Variants in SLC17A4 observed in about 807,000 individuals in gnomAD.
SLC17A4 encodes the protein solute carrier family 17 member 4.
SLC17A4 carries 33 observed loss-of-function variants against 52.5 expected under a neutral mutation model. That is an observed-to-expected ratio of 0.63 (90% confidence interval 0.48 to 0.84). SLC17A4 has a LOEUF of 0.84. Ranked by LOEUF, SLC17A4 falls within the 40% of genes least tolerant of loss-of-function variation. SLC17A4 has a pLI of 0.00. For synonymous variants in SLC17A4, 225 were observed against 216.2 expected, an observed-to-expected ratio of 1.04 and a Z score of -0.36; for missense variants, 585 against 597.1, an observed-to-expected ratio of 0.98 and a Z score of 0.21.
chr6:25,776,180 C>A (rs1762899622), intron 8 of SLC17A4, among the ~76,000 whole-genome samples: 1 of 152,024 alleles, frequency 6.6e-6, no homozygotes, highest in South Asian at 2.1e-4. Flanking sequence ...CCAATTTGAT[C>A]CATGAAAAAT....
chr6:25,756,348 T>A (rs1040917394), intron 1 of SLC17A4, among the ~76,000 whole-genome samples: 7 of 152,158 alleles, frequency 4.6e-5, no homozygotes, highest in African/African-American at 1.7e-4. Context: ...AGTGTTCCCG[T>A]TTCAGCTCAA....
chr6:25,773,253 T>C, intron 6 of SLC17A4, 22 bp from the exon 7 acceptor site: 1 of 1,559,940 alleles, frequency 6.4e-7, no homozygotes, highest in Non-Finnish European at 8.8e-7. Flanking sequence ...CATCCAGTGC[T>C]AACTGGATCC....
At chr6:25,771,402 C>T (rs1299436936) in intron 6 of SLC17A4, among the ~76,000 whole-genome samples, 5 of 151,808 alleles carry the variant, frequency 3.3e-5, no homozygotes, top group South Asian at 2.1e-4. Flanking sequence ...GGTTAAACCC[C>T]GTCTCTACTA....
chr6:25,776,860 C>T lies in SLC17A4; in HGVS notation c.1169C>T (p.Ser390Phe). 1 of 1,613,968 alleles carries T rather than the reference C, an allele frequency of 6.2e-7. No homozygotes were observed. Among genetic ancestry groups the T allele is most frequent in the Non-Finnish European group, 8.5e-7 (1 of 1,179,906 alleles). The stretch of plus-strand genomic sequence containing the variant: ...CTCGTGTCCCTGCCCTGGGTCAGAT[C>T]CAGCCACAGCATGACCATGACCTTC... ...VILVSLPWVRSSHSMTMTFLV... is the reference protein window; with the variant it reads ...VILVSLPWVRFSHSMTMTFLV... Residue 390 changes from serine (S) to phenylalanine (F), a missense_variant, in exon 10 of 12, where the codon TCC becomes TTC. Transcript: ENST00000377905.
chr6:25,776,611 C>T lies in SLC17A4; in HGVS notation c.1004C>T (p.Ala335Val), dbSNP rs752237833. The T allele has an allele frequency of 5.6e-6, 9 of 1,608,346 alleles. No individual in the cohort carries two copies. Among genetic ancestry groups the T allele is most frequent in the Non-Finnish European group, 7.6e-6 (9 of 1,176,964 alleles). The change falls in exon 9 of 12, where the codon GCC (alanine) becomes GTC (valine). Residue 335 changes from alanine (A) to valine (V), a missense_variant. Coordinates refer to ENST00000377905, the MANE Select transcript of SLC17A4 (RefSeq NM_005495.3). ...GGTCCTCAGAGTGGGATCCTGTCTGCCTTGCCGTTTGTTGTTGGATGTATC... is the reference window on the plus strand; with the variant it reads ...GGTCCTCAGAGTGGGATCCTGTCTGTCTTGCCGTTTGTTGTTGGATGTATC... Reference protein sequence around the residue: ...ANLRDSGILSALPFVVGCICI... With the variant: ...ANLRDSGILSVLPFVVGCICI...
At chr6:25,762,163 C>A in intron 2 of SLC17A4, 110 bp downstream of exon 2, 1 of 851,040 alleles carries the variant, frequency 1.2e-6, no homozygotes, top group Non-Finnish European at 1.8e-6. Flanking sequence ...TGATACACAT[C>A]ATTTTCCTTG....
chr6:25,779,001 A>C (rs1379169139), intron 11 of SLC17A4, 53 bp from the exon 12 acceptor site: 2 of 1,602,332 alleles, frequency 1.2e-6, no homozygotes, highest in African/African-American at 2.7e-5. Flanking sequence ...TTTCTGAACC[A>C]AGAGGGACAG....
At chr6:25,777,564 A>AAACAACAAC (rs143345736) in intron 10 of SLC17A4, 219 of 162,052 alleles carry the variant, frequency 1.4e-3, no homozygotes, top group African/African-American at 4.6e-3. Flanking sequence ...GCAGAAGCCA[A>AAACAACAAC]AACAACAACA....
In SLC17A4 at chr6:25,769,006, G is replaced by A; in HGVS notation, c.113G>A (p.Gly38Glu). The change falls in exon 3 of 12, where the codon GGG becomes GAG. Residue 38 changes from glycine to glutamate, a missense_variant. Transcript: ENST00000377905. Reference sequence around the variant, plus strand: ...TCAGGTTTTTGTTCAGTCCGACATGGGCTGGCCCTCATCTTGCAGCTCTGT... The same window carrying A: ...TCAGGTTTTTGTTCAGTCCGACATGAGCTGGCCCTCATCTTGCAGCTCTGT... ...SRKGFCSVRH[G>E]LALILQLCNF... is the part of the protein sequence containing the mutation. The A allele has an allele frequency of 6.2e-7, 1 of 1,613,940 alleles. No homozygotes were observed. Among genetic ancestry groups the A allele is most frequent in the Non-Finnish European group, 8.5e-7 (1 of 1,179,958 alleles).
intron 2 of SLC17A4, 135 bp downstream of exon 2, chr6:25,762,188 C>G: frequency 3.0e-6 from 2 of 677,278 alleles, no homozygotes; most frequent in Non-Finnish European, 2.5e-6. Flanking sequence ...CACCAATTGC[C>G]AATAATTCTA....
At chr6:25,776,534 T>G in intron 8 of SLC17A4, 61 bp from the exon 9 acceptor site, 1 of 1,537,276 alleles carries the variant, frequency 6.5e-7, no homozygotes, top group Non-Finnish European at 8.7e-7. Context: ...TGTCCAAGGT[T>G]GTCTGTGTCG....
chr6:25,773,825 G>A, intron 8 of SLC17A4, 151 bp downstream of exon 8: 1 of 710,382 alleles, frequency 1.4e-6, no homozygotes. Context: ...TAGTTAATTT[G>A]GATTCTGATT....
At chr6:25,764,267 T>C (rs948099597) in intron 2 of SLC17A4, among the ~76,000 whole-genome samples, 7 of 152,190 alleles carry the variant, frequency 4.6e-5, no homozygotes, top group African/African-American at 1.4e-4. Flanking sequence ...TGTCCCTCTG[T>C]TACTGTGGAG....
intron 11 of SLC17A4, among the ~76,000 whole-genome samples, chr6:25,778,458 G>T (rs564793832): frequency 6.6e-6 from 1 of 152,196 alleles, no homozygotes; most frequent in Non-Finnish European, 1.5e-5. Context: ...CTAGCATACT[G>T]TCAGGAAATG....
At chr6:25,761,068 C>T (rs1761488834) in intron 1 of SLC17A4, among the ~76,000 whole-genome samples, 1 of 152,142 alleles carries the variant, frequency 6.6e-6, no homozygotes, top group South Asian at 2.1e-4. Context: ...TTGAGTGAAT[C>T]AGACTGGGCT....
chr6:25,765,658 G>A (rs1761947445), intron 2 of SLC17A4, among the ~76,000 whole-genome samples: 1 of 152,152 alleles, frequency 6.6e-6, no homozygotes, highest in Non-Finnish European at 1.5e-5. Flanking sequence ...GGAAAAAAAT[G>A]TCACTGCAGA....
chr6:25,776,833 T>G lies in SLC17A4; in HGVS notation c.1142T>G (p.Ile381Ser). Residue 381 changes from isoleucine to serine, a missense_variant, in exon 10 of 12, where the codon ATC becomes AGC. Ile to Ser is a moderately radical substitution (Grantham distance 142, BLOSUM62 -2). Coordinates refer to ENST00000377905, the MANE Select transcript of SLC17A4 (RefSeq NM_005495.3). ...CCAGGGGTTCTCTTCCCATCCGTGA[T>G]CCTCGTGTCCCTGCCCTGGGTCAGA... ...TAIGVLFPSVILVSLPWVRSS... is the reference protein window; with the variant it reads ...TAIGVLFPSVSLVSLPWVRSS... 1 of 1,613,986 alleles carries G rather than the reference T, an allele frequency of 6.2e-7. No individual in the cohort carries two copies.
chr6:25,757,617 C>T (rs1761136215), intron 1 of SLC17A4, among the ~76,000 whole-genome samples: 1 of 152,080 alleles, frequency 6.6e-6, no homozygotes, highest in African/African-American at 2.4e-5. Flanking sequence ...GTTTCTTGAT[C>T]CCTTTCTCTG....
intron 3 of SLC17A4, 67 bp downstream of exon 3, chr6:25,769,257 A>G: frequency 7.1e-7 from 1 of 1,404,764 alleles, no homozygotes; most frequent in Non-Finnish European, 9.9e-7. Context: ...GTTATAAAAG[A>G]GTGAGATTCA....
Sources: allele counts gnomAD v4.1 joint callset (sites outside exome capture counted in the v4.1 genomes callset), GRCh38; gene constraint gnomAD v4.1.1; transcripts MANE v1.5; gene names NCBI Gene and HGNC (gene_info 2026-07-23, HGNC 2026-07-21).